The following RPL29 variants were observed in gnomAD, a reference collection of about 807,000 sequenced individuals.
The protein encoded by RPL29 is large ribosomal subunit protein eL29.
Under a neutral mutation model 7.2 loss-of-function variants are expected in RPL29, and 4 were observed. The observed-to-expected ratio is 0.55, with a 90% CI of 0.27 to 1.26. The LOEUF (loss-of-function observed/expected upper bound fraction) is 1.26. Among genes scored for constraint, RPL29 ranks in the 50% most tolerant of loss-of-function variants. The probability of loss-of-function intolerance (pLI) is 0.11; values close to 1 mark genes in which losing one functional copy is unlikely to be tolerated. For synonymous variants in RPL29, 73 were observed against 72.8 expected (o/e 1.00, Z -0.01); for missense variants, 148 against 209.1 (o/e 0.71, Z 1.80).
chr3:51,994,152 G>A (rs1412066712), intron 3 of RPL29, 26 bp from the exon 4 acceptor site: 1 of 1,565,770 alleles, frequency 6.4e-7, no homozygotes, highest in East Asian at 2.2e-5. Context: ...GGTACAGGTG[G>A]CAGCATGTGG....
chr3:51,993,526 T>C lies in RPL29; in HGVS notation c.*223A>G, dbSNP rs748827417. On this transcript the variant is annotated 3_prime_UTR_variant, in exon 4 of 4. Transcript: ENST00000294189. ...TCTTGCACTTCAGGGCCCCATCTCC[T>C]GACTCCCACCCACACCCCACCATCC... 3.9e-5 allele frequency: 20 copies of C among 516,506 alleles called. No homozygotes were observed. Among genetic ancestry groups the C allele is most frequent in the Non-Finnish European group, 5.8e-5 (17 of 292,448 alleles). The allele number at this position is 516,506 out of a possible 1,614,324, so 32.0% of individuals were successfully genotyped here. A position where few individuals can be genotyped will look rare whatever the true frequency, so the allele number is the denominator to read the frequency against.
Position 51,995,463 on chromosome 3 carries a change from T to C in RPL29, c.-2A>G. ...GGTGTGGTTCTTGGACTTGGCCATG[T>C]CTGCACCTGGAAGACAAAAGTGGAG... On this transcript the variant is annotated 5_prime_UTR_variant, in exon 2 of 4. Transcript: ENST00000294189. 2 of 1,614,046 alleles carry C rather than the reference T, an allele frequency of 1.2e-6. No individual in the cohort carries two copies. Among genetic ancestry groups the C allele is most frequent in the Non-Finnish European group, 1.7e-6 (2 of 1,180,026 alleles).
chr3:51,994,218 A>T, intron 3 of RPL29, 92 bp from the exon 4 acceptor site: 1 of 1,449,806 alleles, frequency 6.9e-7, no homozygotes, highest in Non-Finnish European at 9.1e-7. Context: ...CATTCTAAAG[A>T]CAGCATCAAG....
chr3:51,995,259 CTG>C, intron 2 of RPL29, 153 bp from the exon 3 acceptor site: 1 of 964,518 alleles, frequency 1.0e-6, no homozygotes, highest in Non-Finnish European at 1.6e-6. Context: ...GCAAAACACT[CTG>C]TATCTCAAGT....
chr3:51,995,324 C>T, intron 2 of RPL29, 101 bp downstream of exon 2: 1 of 1,326,638 alleles, frequency 7.5e-7, no homozygotes, highest in Non-Finnish European at 1.1e-6. Context: ...ATCAATCAGC[C>T]TCAGGCCCAC....
At chr3:51,995,806 C>T in intron 1 of RPL29, 51 bp downstream of exon 1, 1 of 331,830 alleles carries the variant, frequency 3.0e-6, no homozygotes, top group Non-Finnish European at 5.7e-6. Context: ...CGCGCCCCGC[C>T]GCCACCCGTA....
chr3:51,995,529 C>A lies in RPL29; in HGVS notation c.-8-60G>T, dbSNP rs138503522. 6 of 1,527,426 alleles carry A rather than the reference C, an allele frequency of 3.9e-6. No homozygotes were observed. In the Admixed American group the frequency reaches 5.0e-5, roughly 13 times the overall value. 94.6% of individuals were successfully genotyped at this position (1,527,426 alleles called of 1,614,324 possible). ...TCGCCAGGCTGGGCCACCTCTGCCC[C>A]CCCCATTCTGGTCAGAATGAGCCTG... is the stretch of plus-strand genomic sequence containing the variant. On this transcript the variant is annotated intron_variant, in intron 1 of 3. Transcript: ENST00000294189.
intron 3 of RPL29, 57 bp from the exon 4 acceptor site, chr3:51,994,183 T>A: frequency 6.5e-7 from 1 of 1,535,680 alleles, no homozygotes; most frequent in Non-Finnish European, 8.8e-7. Flanking sequence ...CTCTCCCTGC[T>A]GCCCCTCTCC....
At chr3:51,994,404 C>T (rs1302627377) in intron 3 of RPL29, 2 of 427,750 alleles carry the variant, frequency 4.7e-6, no homozygotes, top group Non-Finnish European at 4.2e-6. Flanking sequence ...CAACTTCCTA[C>T]AGCAGGGGTT....
At position 51,993,996 on chromosome 3, in the gene RPL29, G is replaced by C. The variant is rs369621965; in HGVS notation, c.233C>G (p.Pro78Arg). ...TGGGATCTTGGGCTTAACCTCCTTG[G>C]GCTTTACGAGGGCCTTGATAGCCTC... Reference protein sequence around the residue: ...RAEAIKALVKPKEVKPKIPKG... With the variant: ...RAEAIKALVKRKEVKPKIPKG... Residue 78 changes from proline (P) to arginine (R), a missense_variant, in exon 4 of 4, where the codon CCC (proline) becomes CGC (arginine). Physicochemically the swap from Pro to Arg is moderately radical, Grantham distance 103 (BLOSUM62 -2). Transcript: ENST00000294189. 6.0e-5 allele frequency: 96 copies of C among 1,597,904 alleles called. No individual in the cohort carries two copies. Among genetic ancestry groups the C allele is most frequent in the Non-Finnish European group, 7.8e-5 (92 of 1,179,692 alleles).
rs151119874 is a variant in RPL29, at chr3:51,994,569, A to G, written c.103-443T>C. ...GAGTTTGTGATTCACTCCACGGAAC[A>G]GAGAGCAAAAGTAAAGGGAAGGAAC... On this transcript the variant is annotated intron_variant, in intron 3 of 3. Coordinates refer to ENST00000294189, the MANE Select transcript of RPL29 (RefSeq NM_000992.3). 12 of 398,688 alleles carry G rather than the reference A, an allele frequency of 3.0e-5. No homozygotes were observed. The East Asian group carries it at 5.5e-4, about 18-fold the overall frequency. 24.7% of individuals were successfully genotyped at this position (398,688 alleles called of 1,614,324 possible). A position where few individuals can be genotyped will look rare whatever the true frequency, so the allele number is the denominator to read the frequency against.
intron 3 of RPL29, 154 bp from the exon 4 acceptor site, chr3:51,994,280 G>T: frequency 9.7e-7 from 1 of 1,031,186 alleles, no homozygotes; most frequent in Non-Finnish European, 1.4e-6. Flanking sequence ...TCCAGAGAAA[G>T]TGTACCACCA....
At chr3:51,995,618 G>A in intron 1 of RPL29, 149 bp from the exon 2 acceptor site, 1 of 719,220 alleles carries the variant, frequency 1.4e-6, no homozygotes, top group East Asian at 2.6e-5. Context: ...CGCCAGTCCT[G>A]GCCTCCCAAA....
At position 51,995,476 on chromosome 3, in the gene RPL29, G is replaced by C; in HGVS notation, c.-8-7C>G. The C allele has an allele frequency of 1.2e-6, 2 of 1,613,876 alleles. No individual in the cohort carries two copies. The highest frequency in any genetic ancestry group is 1.7e-6 in the Non-Finnish European group (2 of 1,180,002). Reference sequence around the variant, plus strand: ...GACTTGGCCATGTCTGCACCTGGAAGACAAAAGTGGAGATCAGGGTTAAGG... The same window carrying C: ...GACTTGGCCATGTCTGCACCTGGAACACAAAAGTGGAGATCAGGGTTAAGG... On this transcript the variant is annotated splice_region_variant and splice_polypyrimidine_tract_variant and intron_variant, in intron 1 of 3. Coordinates refer to ENST00000294189, the MANE Select transcript of RPL29 (RefSeq NM_000992.3).
chr3:51,995,410 G>A lies in RPL29; in HGVS notation c.37+15C>T, dbSNP rs1391855104. On this transcript the variant is annotated intron_variant, in intron 2 of 3. Transcript: ENST00000294189. The stretch of plus-strand genomic sequence containing the variant: ...TGCCAGGGTCTGGGATGTAGGCAGG[G>A]CCCAAAAAACTTACACTGGTTGTGT... The A allele has an allele frequency of 1.2e-6, 2 of 1,613,974 alleles. No individual in the cohort carries two copies. Among genetic ancestry groups the A allele is most frequent in the African/African-American group, 1.3e-5 (1 of 74,908 alleles).
rs1701297819 is a variant in RPL29, at chr3:51,995,116, A to G, written c.38-10T>C. 1 of 1,596,844 alleles carries G rather than the reference A, an allele frequency of 6.3e-7. No individual in the cohort carries two copies. The highest frequency in any genetic ancestry group is 1.4e-5 in the African/African-American group (1 of 74,064). On this transcript the variant is annotated splice_polypyrimidine_tract_variant and intron_variant, in intron 2 of 3. Transcript: ENST00000294189. ...CTGTGCCATTTTCGGGCTGTGGGAG[A>G]AAAAAAGGGAATTAAGCCAACAAAG...
chr3:51,995,823 G>T (rs571371796), intron 1 of RPL29, 34 bp downstream of exon 1: 1 of 312,372 alleles, frequency 3.2e-6, no homozygotes, highest in Admixed American at 4.6e-5. Context: ...CGTAAGTCGC[G>T]GATGGCATCG....
chr3:51,994,449 AC>A (rs1701289106), intron 3 of RPL29: 1 of 360,344 alleles, frequency 2.8e-6, no homozygotes, highest in Non-Finnish European at 5.0e-6. Context: ...CCTCAGGGAC[AC>A]CCCCTCCCCT....
chr3:51,995,059 A>G lies in RPL29; in HGVS notation c.85T>C (p.Tyr29His). ...GCACTCACCCCCTTAAGAGATTCGT[A>G]TCTTTGTGATCGGGGTTTCTTGATA... ...NGIKKPRSQR[Y>H]ESLKGVDPKF... The change falls in exon 3 of 4, where the codon TAC becomes CAC. Residue 29 changes from tyrosine (Y) to histidine (H), a missense_variant. Coordinates refer to ENST00000294189, the MANE Select transcript of RPL29 (RefSeq NM_000992.3). 6.2e-7 allele frequency: 1 copy of G among 1,612,688 alleles called. No individual in the cohort carries two copies. The highest frequency in any genetic ancestry group is 8.5e-7 in the Non-Finnish European group (1 of 1,179,496).
Sources: allele counts gnomAD v4.1 joint callset, GRCh38; gene constraint gnomAD v4.1.1; transcripts MANE v1.5; gene names NCBI Gene and HGNC (gene_info 2026-07-23, HGNC 2026-07-21).